Variants in CAMTA1 observed in about 807,000 individuals in gnomAD.
The protein encoded by CAMTA1 is calmodulin binding transcription activator 1.
A neutral mutation model predicts 170.9 loss-of-function variants in CAMTA1; 27 were observed. The observed-to-expected ratio is 0.16, with a 90% CI of 0.12 to 0.22. CAMTA1 has a LOEUF of 0.22. CAMTA1 is among the 10% of genes least tolerant of loss of function. CAMTA1 has a pLI of 1.00. For missense variants in CAMTA1, 1,619 were observed against 2,217.2 expected (o/e 0.73, Z 5.42); for synonymous variants, 833 against 891.5 (o/e 0.93, Z 1.17).
At chr1:7,658,959 C>T (rs1472508672) in intron 7 of CAMTA1, among the ~76,000 whole-genome samples, 9 of 152,252 alleles carry the variant, frequency 5.9e-5, no homozygotes, top group East Asian at 5.8e-4. Flanking sequence ...ACATGTTCGC[C>T]GATCACAAGT....
chr1:7,512,129 T>A (rs1389569715), intron 6 of CAMTA1, among the ~76,000 whole-genome samples: 1 of 150,914 alleles, frequency 6.6e-6, no homozygotes, highest in East Asian at 1.9e-4. Context: ...ATTCATTCAT[T>A]CTTTCATTCA....
intron 5 of CAMTA1, among the ~76,000 whole-genome samples, chr1:7,414,286 GA>G (rs1466280156): frequency 3.9e-5 from 6 of 152,176 alleles, no homozygotes; most frequent in African/African-American, 1.4e-4. Flanking sequence ...ATGAGTTAGG[GA>G]GGATTCCCTC....
rs1408546716 is a variant in CAMTA1, at chr1:7,224,728, TG to T, written c.303-24759del. ...AGTGGGGACCTGATGAAAGCCCACC[TG>T]GGGCTCTTGATGTGGGAGTGTTTGG... On this transcript the variant is annotated intron_variant, in intron 4 of 22. Coordinates refer to ENST00000303635, the MANE Select transcript of CAMTA1 (RefSeq NM_015215.4). The surrounding 1 kb of genome is among the most constrained non-coding windows in gnomAD (Gnocchi z 5.2). Among the ~76,000 whole-genome samples the T allele has an allele frequency of 6.6e-6, 1 of 152,112 alleles. No individual in the cohort carries two copies. Among genetic ancestry groups the T allele is most frequent in the East Asian group, 1.9e-4 (1 of 5,164 alleles).
In CAMTA1 at chr1:7,307,161, A is replaced by G. The variant is rs1425631308; in HGVS notation, c.438+57535A>G. ...GTAATTTTCAGCATATAGATGCTCT[A>G]TATATTTTTTATTAGGTTTTTACCT... On this transcript the variant is annotated intron_variant, in intron 5 of 22. Transcript: ENST00000303635. 5.3e-5 allele frequency among the ~76,000 whole-genome samples: 8 copies of G among 151,978 alleles called. No individual in the cohort carries two copies. The East Asian group carries it at 1.2e-3, about 22-fold the overall frequency.
At chr1:7,266,256 A>G (rs752285508) in intron 5 of CAMTA1, among the ~76,000 whole-genome samples, 2 of 152,202 alleles carry the variant, frequency 1.3e-5, no homozygotes, top group Non-Finnish European at 2.9e-5. Context: ...AGGCCTGGCC[A>G]TGTGCCAGGG....
chr1:7,655,718 C>G (rs1280574674), intron 7 of CAMTA1, among the ~76,000 whole-genome samples: 1 of 152,044 alleles, frequency 6.6e-6, no homozygotes, highest in Non-Finnish European at 1.5e-5. Flanking sequence ...CATCTATATA[C>G]ACATACACCG....
chr1:7,606,098 C>A (rs1420891271), intron 6 of CAMTA1, among the ~76,000 whole-genome samples: 1 of 152,240 alleles, frequency 6.6e-6, no homozygotes, highest in Non-Finnish European at 1.5e-5. Context: ...GTCACTCTGG[C>A]AAGTCTGGGA....
intron 4 of CAMTA1, among the ~76,000 whole-genome samples, chr1:7,202,946 T>C (rs1004716201): frequency 2.6e-5 from 4 of 152,210 alleles, no homozygotes; most frequent in African/African-American, 9.6e-5. Context: ...ATTCTTGTCT[T>C]GTTCCTGCCC....
At chr1:7,679,502 C>T (rs866369179) in intron 11 of CAMTA1, among the ~76,000 whole-genome samples, 1 of 152,180 alleles carries the variant, frequency 6.6e-6, no homozygotes, top group East Asian at 1.9e-4. Context: ...ATGACAGACA[C>T]ACCCCGGGAC....
intron 3 of CAMTA1, among the ~76,000 whole-genome samples, chr1:6,925,196 C>G (rs1264873214): frequency 6.6e-6 from 1 of 152,224 alleles, no homozygotes; most frequent in Non-Finnish European, 1.5e-5. Context: ...CCTGCCTTGT[C>G]TCTAGGGGGA....
Position 7,756,303 on chromosome 1 carries a change from A to C in CAMTA1, c.4989+635A>C, listed in dbSNP as rs13375771. On this transcript the variant is annotated intron_variant, in intron 22 of 22. Coordinates refer to ENST00000303635, the MANE Select transcript of CAMTA1 (RefSeq NM_015215.4). ...TTATAAAATAGCGAACTGGCCTTCC[A>C]GCACTTGATGGGAATGCTGAATAAT... 5.7e-3 allele frequency among the ~76,000 whole-genome samples: 868 copies of C among 152,270 alleles called. 12 individuals are homozygous for C. The highest frequency in any genetic ancestry group is 0.02 in the African/African-American group (831 of 41,536).
intron 5 of CAMTA1, among the ~76,000 whole-genome samples, chr1:7,328,361 GT>G (rs35207711): frequency 0.76 from 116,131 of 152,026 alleles, 45,305 homozygotes; most frequent in African/African-American, 0.91. Context: ...TCCTGTAGTG[GT>G]TATGCTCCTG....
At chr1:7,106,550 T>G (rs1320394607) in intron 4 of CAMTA1, among the ~76,000 whole-genome samples, 1 of 152,168 alleles carries the variant, frequency 6.6e-6, no homozygotes, top group African/African-American at 2.4e-5. Flanking sequence ...CTCTTTCTTT[T>G]TCACATTTGA....
At chr1:7,655,253 TAC>T (rs2095885263) in intron 7 of CAMTA1, among the ~76,000 whole-genome samples, 3 of 121,332 alleles carry the variant, frequency 2.5e-5, no homozygotes, top group East Asian at 2.9e-4. Context: ...CACACACCTA[TAC>T]ACACAGACCC....
intron 3 of CAMTA1, among the ~76,000 whole-genome samples, chr1:7,086,889 T>G (rs895878394): frequency 2.6e-5 from 4 of 152,222 alleles, no homozygotes; most frequent in Non-Finnish European, 4.4e-5. Flanking sequence ...GTCTGTGTTT[T>G]TGTTTGAGCA....
chr1:7,084,598 G>A (rs1444760177), intron 3 of CAMTA1, among the ~76,000 whole-genome samples: 1 of 152,234 alleles, frequency 6.6e-6, no homozygotes, highest in Non-Finnish European at 1.5e-5. Flanking sequence ...GGGGGGCAGG[G>A]GGCCCTGCTC....
intron 3 of CAMTA1, among the ~76,000 whole-genome samples, chr1:6,888,733 G>A (rs577365630): frequency 6.6e-6 from 1 of 152,184 alleles, no homozygotes; most frequent in Non-Finnish European, 1.5e-5. Flanking sequence ...AGATGCCATG[G>A]TTACCCCGTC....
intron 7 of CAMTA1, among the ~76,000 whole-genome samples, chr1:7,659,074 G>C (rs56180266): frequency 0.16 from 24,954 of 152,188 alleles, 2,571 homozygotes; most frequent in Middle Eastern, 0.33. Context: ...AGATGCAGGA[G>C]GCAGAGGGTG....
At chr1:6,936,487 T>C (rs757933202) in intron 3 of CAMTA1, among the ~76,000 whole-genome samples, 1 of 151,870 alleles carries the variant, frequency 6.6e-6, no homozygotes, top group Non-Finnish European at 1.5e-5. Context: ...GAGGTTTCTG[T>C]AAATGGAGCT....
Sources: gnomAD v4.1 joint callset for allele counts (sites outside exome capture counted in the v4.1 genomes callset) on GRCh38, gnomAD v4.1.1 for gene constraint, Gnocchi (gnomAD v3.1) non-coding constraint, MANE v1.5 for transcripts, NCBI Gene and HGNC (gene_info 2026-07-23, HGNC 2026-07-21) for gene names.